The following RNF157 variants were observed in gnomAD, a reference collection of about 807,000 sequenced individuals.
The protein encoded by RNF157 is E3 ubiquitin ligase RNF157.
RNF157 carries 55 observed loss-of-function variants against 88.3 expected under a neutral mutation model. The observed-to-expected ratio is 0.62, with a 90% CI of 0.50 to 0.78. RNF157 has a LOEUF of 0.78. Ranked by LOEUF, RNF157 falls within the 30% of genes least tolerant of loss-of-function variation. The pLI is 0.00. For missense variants in RNF157, 788 were observed against 860.8 expected, an observed-to-expected ratio of 0.92 and a Z score of 1.06; for synonymous variants, 334 against 341.2, an observed-to-expected ratio of 0.98 and a Z score of 0.23.
In RNF157 at chr17:76,167,034, T is replaced by C. The variant is rs776222227; in HGVS notation, c.536A>G (p.Asp179Gly). Residue 179 changes from aspartate to glycine, a missense_variant, in exon 5 of 19, where the codon GAT becomes GGT. Transcript: ENST00000269391. ...QQFCLPSHTVDPSEWAEEELG... is the reference protein window; with the variant it reads ...QQFCLPSHTVGPSEWAEEELG... ...CTCCTCTTCGGCCCACTCGGAGGGA[T>C]CCACGGTGTGGGAGGGCAGGCAGAA... The C allele has an allele frequency of 6.2e-7, 1 of 1,611,412 alleles. No homozygotes were observed. The highest frequency in any genetic ancestry group is 8.5e-7 in the Non-Finnish European group (1 of 1,179,674).
rs990976281 is a variant in RNF157 at position 76,202,138 on chromosome 17, A to T, written c.207+10226T>A. Among the ~76,000 whole-genome samples the T allele has an allele frequency of 1.9e-3, 277 of 144,502 alleles. 1 individual carries two copies. Among genetic ancestry groups the T allele is most frequent in the African/African-American group, 6.6e-3 (240 of 36,112 alleles). 94.8% of individuals were successfully genotyped at this position (144,502 alleles called of 152,430 possible). ...CTCTCTCTCTCTCTCTCACACACAC[A>T]CACACACACACACACACACACACAC... On this transcript the variant is annotated intron_variant, in intron 2 of 18. Transcript: ENST00000269391.
At chr17:76,233,914 TA>T (rs2070237375) in intron 1 of RNF157, among the ~76,000 whole-genome samples, 1 of 152,354 alleles carries the variant, frequency 6.6e-6, no homozygotes, top group East Asian at 1.9e-4. Context: ...CAATGGTTTT[TA>T]GTATATTGAC....
chr17:76,159,785 T>C (rs1283172570), intron 11 of RNF157, among the ~76,000 whole-genome samples: 1 of 151,790 alleles, frequency 6.6e-6, no homozygotes, highest in African/African-American at 2.4e-5. Context: ...TAATCTCTAT[T>C]TTTTTTCTGA....
chr17:76,205,868 G>A (rs1598429247), intron 2 of RNF157, among the ~76,000 whole-genome samples: 2 of 152,266 alleles, frequency 1.3e-5, no homozygotes, highest in African/African-American at 4.8e-5. Flanking sequence ...CAGACTATTA[G>A]GAACTAGGTT....
chr17:76,156,382 G>A (rs1454780539), intron 13 of RNF157, 61 bp from the exon 14 acceptor site: 5 of 1,609,750 alleles, frequency 3.1e-6, no homozygotes, highest in Non-Finnish European at 4.2e-6. Flanking sequence ...TGTGCTGGAG[G>A]AAGGGGTCAG....
intron 1 of RNF157, among the ~76,000 whole-genome samples, chr17:76,229,365 A>G (rs779615337): frequency 5.3e-5 from 8 of 152,244 alleles, no homozygotes; most frequent in Non-Finnish European, 1.2e-4. Flanking sequence ...CAAATTATTT[A>G]AACTTTTTGA....
At chr17:76,212,083 C>A in intron 2 of RNF157, 1 of 246,788 alleles carries the variant, frequency 4.1e-6, no homozygotes, top group Non-Finnish European at 7.7e-6. Flanking sequence ...AAAGGTAAGC[C>A]CTTGGAAAAG....
rs1023394457 is a variant in RNF157 at position 76,146,672 on chromosome 17, A to G, written c.1922-1319T>C. 4.1e-6 allele frequency: 4 copies of G among 985,464 alleles called. No individual in the cohort carries two copies. The highest frequency in any genetic ancestry group is 4.8e-6 in the Non-Finnish European group (4 of 829,928). 61.0% of individuals were successfully genotyped at this position (985,464 alleles called of 1,614,324 possible). A position where few individuals can be genotyped will look rare whatever the true frequency, so the allele number is the denominator to read the frequency against. On this transcript the variant is annotated intron_variant, in intron 18 of 18. Coordinates refer to ENST00000269391, the MANE Select transcript of RNF157 (RefSeq NM_052916.3). This position sits in a 1 kb window ranked among gnomAD's most constrained non-coding sequence, Gnocchi z 4.2. Reference sequence around the variant, plus strand: ...TGCAGCCTGAACTACTGCTCCACGCACACGTCACATGGCAGAAACCGCTAG... The same window carrying G: ...TGCAGCCTGAACTACTGCTCCACGCGCACGTCACATGGCAGAAACCGCTAG...
At chr17:76,214,461 TACCTCCATA>T (rs2069854990) in intron 1 of RNF157, among the ~76,000 whole-genome samples, 1 of 152,182 alleles carries the variant, frequency 6.6e-6, no homozygotes, top group African/African-American at 2.4e-5. Flanking sequence ...ACTACTGCTA[TACCTCCATA>T]ACCTTCTATG....
intron 2 of RNF157, among the ~76,000 whole-genome samples, chr17:76,185,007 G>A (rs1489769778): frequency 2.0e-5 from 3 of 152,170 alleles, no homozygotes; most frequent in East Asian, 1.9e-4. Context: ...ATAAGGGTAC[G>A]AAAAACCTAC....
At chr17:76,159,650 ACTG>A in intron 11 of RNF157, 77 bp from the exon 12 acceptor site, 1 of 1,041,040 alleles carries the variant, frequency 9.6e-7, no homozygotes, top group Admixed American at 2.2e-5. Flanking sequence ...ACTTCTCTAC[ACTG>A]AAAAAAATGT....
At chr17:76,200,703 T>C (rs1027959905) in intron 2 of RNF157, among the ~76,000 whole-genome samples, 1 of 152,160 alleles carries the variant, frequency 6.6e-6, no homozygotes, top group Admixed American at 6.5e-5. Flanking sequence ...GGGAGACATG[T>C]ATTATAAGAA....
Position 76,226,524 on chromosome 17 carries a change from C to T in RNF157, c.88+13629G>A, listed in dbSNP as rs1598444254. 6.8e-6 allele frequency: 11 copies of T among 1,613,346 alleles called. No homozygotes were observed. The South Asian group carries it at 7.7e-5, about 11-fold the overall frequency. The stretch of plus-strand genomic sequence containing the variant: ...TCTATACCCAACAGGGCACCAAAGT[C>T]GAACTCCTTCAAATCCATTTTCTCC... On this transcript the variant is annotated intron_variant, in intron 1 of 18. Transcript: ENST00000269391.
intron 18 of RNF157, chr17:76,147,120 C>T (rs1044771857): frequency 4.6e-5 from 45 of 985,140 alleles, no homozygotes; most frequent in Middle Eastern, 1.0e-3. Flanking sequence ...GGACATGAGT[C>T]AAGGTGTTTT....
rs1272118357 is a variant in RNF157 at position 76,176,016 on chromosome 17, GACA to G, written c.208-2229_208-2227del. Among the ~76,000 whole-genome samples the G allele has an allele frequency of 6.6e-6, 1 of 152,156 alleles. No homozygotes were observed. Among genetic ancestry groups the G allele is most frequent in the African/African-American group, 2.4e-5 (1 of 41,422 alleles). On this transcript the variant is annotated intron_variant, in intron 2 of 18. Transcript: ENST00000269391. The surrounding 1 kb of genome is among the most constrained non-coding windows in gnomAD (Gnocchi z 4.2). ...CCTGTACACACACATACACGCACAA[GACA>G]ACAACGGCAAATCTGTTCAGGAGAA...
rs559363575 is a variant in RNF157 at position 76,146,877 on chromosome 17, G to T, written c.1922-1524C>A. On this transcript the variant is annotated intron_variant, in intron 18 of 18. Coordinates refer to ENST00000269391, the MANE Select transcript of RNF157 (RefSeq NM_052916.3). The surrounding 1 kb of genome is among the most constrained non-coding windows in gnomAD (Gnocchi z 4.2). The stretch of plus-strand genomic sequence containing the variant: ...GAGAGGCCACTCACAAGTGTCCAGG[G>T]TCAGCCTCAGGCCAGCCCAGGACAT... The T allele has an allele frequency of 2.0e-6, 2 of 985,472 alleles. No individual in the cohort carries two copies. Among genetic ancestry groups the T allele is most frequent in the South Asian group, 9.4e-5 (2 of 21,290 alleles). The allele number at this position is 985,472 out of a possible 1,614,324, so 61.0% of individuals were successfully genotyped here. A position where few individuals can be genotyped will look rare whatever the true frequency, so the allele number is the denominator to read the frequency against.
At position 76,146,596 on chromosome 17, in the gene RNF157, TCAC is replaced by T; in HGVS notation, c.1922-1246_1922-1244del. On this transcript the variant is annotated intron_variant, in intron 18 of 18. Coordinates refer to ENST00000269391, the MANE Select transcript of RNF157 (RefSeq NM_052916.3). This position sits in a 1 kb window ranked among gnomAD's most constrained non-coding sequence, Gnocchi z 4.2. The stretch of plus-strand genomic sequence containing the variant: ...AGCCGTGTCTCCCAGTGGCCTCCCC[TCAC>T]GAGGCATCTCTGGCCGGGGGAGGCC... The T allele has an allele frequency of 1.0e-6, 1 of 985,418 alleles. No homozygotes were observed. Among genetic ancestry groups the T allele is most frequent in the Non-Finnish European group, 1.2e-6 (1 of 829,926 alleles). 61.0% of individuals were successfully genotyped at this position (985,418 alleles called of 1,614,324 possible).
At chr17:76,203,895 G>A (rs988191396) in intron 2 of RNF157, among the ~76,000 whole-genome samples, 7 of 151,496 alleles carry the variant, frequency 4.6e-5, no homozygotes, top group African/African-American at 1.7e-4. Flanking sequence ...AGCCTCCTGA[G>A]TAGCTGGGAC....
In RNF157 at chr17:76,182,793, G is replaced by A. The variant is rs868173271; in HGVS notation, c.208-9003C>T. The stretch of plus-strand genomic sequence containing the variant: ...TATATATATATATATATATATGAGA[G>A]ATATATATATGAGAGAGATATATAT... On this transcript the variant is annotated intron_variant, in intron 2 of 18. Coordinates refer to ENST00000269391, the MANE Select transcript of RNF157 (RefSeq NM_052916.3). Among the ~76,000 whole-genome samples, 10 of 103,190 alleles carry A rather than the reference G, an allele frequency of 9.7e-5. No individual in the cohort carries two copies. The South Asian group carries it at 2.3e-3, about 24-fold the overall frequency. 67.7% of individuals were successfully genotyped at this position (103,190 alleles called of 152,430 possible).
Sources: allele counts gnomAD v4.1 joint callset (sites outside exome capture counted in the v4.1 genomes callset), GRCh38; gene constraint gnomAD v4.1.1; non-coding constraint Gnocchi (gnomAD v3.1); transcripts MANE v1.5; gene names NCBI Gene and HGNC (gene_info 2026-07-23, HGNC 2026-07-21).